UHMK1: variants seen among roughly 807,000 people sequenced by gnomAD.
The protein encoded by UHMK1 is serine/threonine-protein kinase Kist.
Under a neutral mutation model 44.0 loss-of-function variants are expected in UHMK1, and 18 were observed. That is an observed-to-expected ratio of 0.41 (90% CI 0.28 to 0.61). The LOEUF (loss-of-function observed/expected upper bound fraction) is 0.61, where lower values mean the gene tolerates loss of function less well. Ranked by LOEUF, UHMK1 falls within the 20% of genes least tolerant of loss-of-function variation. The probability of loss-of-function intolerance (pLI) is 0.31; values close to 1 mark genes in which losing one functional copy is unlikely to be tolerated. For synonymous variants in UHMK1, 231 were observed against 198.5 expected (o/e 1.16, Z -1.38); for missense variants, 463 against 522.5 (o/e 0.89, Z 1.11).
chr1:162,500,531 G>A, intron 2 of UHMK1: 1 of 421,960 alleles, frequency 2.4e-6, no homozygotes, highest in South Asian at 3.4e-5. Context: ...ATGCGTGTTT[G>A]GCTAATTGCT....
chr1:162,497,860 A>C lies in UHMK1; in HGVS notation c.-141A>C. 1 of 1,375,632 alleles carries C rather than the reference A, an allele frequency of 7.3e-7. No individual in the cohort carries two copies. The highest frequency in any genetic ancestry group is 9.3e-7 in the Non-Finnish European group (1 of 1,069,908). 85.2% of individuals were successfully genotyped at this position (1,375,632 alleles called of 1,614,324 possible). ...CGGCTTCCGGTGTCATGGCTGCTTG[A>C]AGTCCCGGGAGTCGGTGAGGCGGCT... On this transcript the variant is annotated 5_prime_UTR_variant, in exon 1 of 8. It removes the in-frame stop codon of an upstream open reading frame in the 5' UTR. Coordinates refer to ENST00000489294, the MANE Select transcript of UHMK1 (RefSeq NM_175866.5).
At chr1:162,516,698 A>C (rs1651849033) in intron 6 of UHMK1, among the ~76,000 whole-genome samples, 1 of 152,198 alleles carries the variant, frequency 6.6e-6, no homozygotes. Flanking sequence ...AAGAAAAAAT[A>C]TTTATAGCTC....
At chr1:162,515,121 T>G (rs777007714) in intron 6 of UHMK1, among the ~76,000 whole-genome samples, 2 of 151,384 alleles carry the variant, frequency 1.3e-5, no homozygotes, top group Non-Finnish European at 2.9e-5. Context: ...TTTTATGTCC[T>G]CTTAATATTT....
chr1:162,519,734 T>G (rs1035799661), intron 7 of UHMK1, among the ~76,000 whole-genome samples: 9 of 152,206 alleles, frequency 5.9e-5, no homozygotes, highest in African/African-American at 2.2e-4. Context: ...TTGACACTAT[T>G]GACATTGAGC....
chr1:162,515,636 A>C (rs1651807655), intron 6 of UHMK1, among the ~76,000 whole-genome samples: 1 of 152,196 alleles, frequency 6.6e-6, no homozygotes, highest in South Asian at 2.1e-4. Flanking sequence ...AATTTCTTGG[A>C]ATCAGTTCAG....
rs776934007 is a variant in UHMK1 at position 162,513,060 on chromosome 1, G to C, written c.1024+237G>C. ...CTCTGCCTCCTGGGTTCAAGCCTCA[G>C]CCCCCCAAGTAGCTGAGATTACAGG... On this transcript the variant is annotated intron_variant, in intron 6 of 7. Coordinates refer to ENST00000489294, the MANE Select transcript of UHMK1 (RefSeq NM_175866.5). 9.8e-4 allele frequency: 111 copies of C among 113,512 alleles called. 1 individual carries two copies. The highest frequency in any genetic ancestry group is 7.2e-3 in the African/African-American group (101 of 14,010). The allele number at this position is 113,512 out of a possible 1,614,324, so 7.0% of individuals were successfully genotyped here.
chr1:162,498,230 G>C lies in UHMK1; in HGVS notation c.230G>C (p.Arg77Thr). The C allele has an allele frequency of 6.2e-7, 1 of 1,608,136 alleles. No individual in the cohort carries two copies. The highest frequency in any genetic ancestry group is 8.5e-7 in the Non-Finnish European group (1 of 1,176,962). Reference sequence around the variant, plus strand: ...GCCGAGTATGGTTTCCGCAAAGAGAGGGCGGCGCTGGAACAGTTGCAGGGT... The same window carrying C: ...GCCGAGTATGGTTTCCGCAAAGAGACGGCGGCGCTGGAACAGTTGCAGGGT... ...SAAEYGFRKERAALEQLQGHR... is the reference protein window; with the variant it reads ...SAAEYGFRKETAALEQLQGHR... Residue 77 changes from arginine (R) to threonine (T), a missense_variant, in exon 1 of 8, where the codon AGG becomes ACG. Arg to Thr is a moderately conservative substitution (Grantham distance 71). Around this residue, in one of 3 missense-constraint regions of UHMK1, gnomAD observed 191 missense variants for 176.0 expected, o/e 1.09. Transcript: ENST00000489294.
Position 162,523,678 on chromosome 1 carries a change from CT to C in UHMK1, c.*1134del, listed in dbSNP as rs945439997. 6.6e-6 allele frequency: 1 copy of C among 152,168 alleles called. No homozygotes were observed. Among genetic ancestry groups the C allele is most frequent in the Non-Finnish European group, 1.5e-5 (1 of 68,020 alleles). The allele number at this position is 152,168 out of a possible 1,614,324, so 9.4% of individuals were successfully genotyped here. A position where few individuals can be genotyped will look rare whatever the true frequency, so the allele number is the denominator to read the frequency against. On this transcript the variant is annotated 3_prime_UTR_variant, in exon 8 of 8. Transcript: ENST00000489294. Reference sequence around the variant, plus strand: ...AGAGAGGGTGGAAAATAAAAGGATTCTTTTTTCTTCCTTTCTGTTTCTCGTA... The same window carrying C: ...AGAGAGGGTGGAAAATAAAAGGATTCTTTTTCTTCCTTTCTGTTTCTCGTA...
chr1:162,503,687 C>T, intron 3 of UHMK1, 67 bp from the exon 4 acceptor site: 1 of 1,047,876 alleles, frequency 9.5e-7, no homozygotes, highest in South Asian at 1.4e-5. Flanking sequence ...TCAAATAGTG[C>T]TATATGCCTA....
intron 4 of UHMK1, among the ~76,000 whole-genome samples, chr1:162,511,781 G>T (rs1651678259): frequency 6.6e-6 from 1 of 152,062 alleles, no homozygotes; most frequent in Non-Finnish European, 1.5e-5. Flanking sequence ...CAGAGATAAG[G>T]GTTTAATTTT....
intron 6 of UHMK1, among the ~76,000 whole-genome samples, chr1:162,513,864 G>A (rs1571014553): frequency 6.6e-6 from 1 of 152,170 alleles, no homozygotes; most frequent in African/African-American, 2.4e-5. Flanking sequence ...CTTTGCGTCA[G>A]GTATAGAATA....
rs1444046285 is a variant in UHMK1, at chr1:162,524,698, G to A, written c.*2148G>A. 1 of 152,138 alleles carries A rather than the reference G, an allele frequency of 6.6e-6. No homozygotes were observed. The highest frequency in any genetic ancestry group is 1.5e-5 in the Non-Finnish European group (1 of 68,042). 9.4% of individuals were successfully genotyped at this position (152,138 alleles called of 1,614,324 possible). A position where few individuals can be genotyped will look rare whatever the true frequency, so the allele number is the denominator to read the frequency against. On this transcript the variant is annotated 3_prime_UTR_variant, in exon 8 of 8. Transcript: ENST00000489294. ...CAGGTAGGCTTCTAAGCCTAGTCCT[G>A]CAGTATGCTGCTAACATCTTGATGC...
Position 162,497,828 on chromosome 1 carries a change from T to C in UHMK1, c.-173T>C. On this transcript the variant is annotated 5_prime_UTR_variant, in exon 1 of 8. Coordinates refer to ENST00000489294, the MANE Select transcript of UHMK1 (RefSeq NM_175866.5). The stretch of plus-strand genomic sequence containing the variant: ...CCATTTCCGGCTTCTGGGACTCGGG[T>C]GCACCACGGCTTCCGGTGTCATGGC... The C allele has an allele frequency of 1.7e-5, 23 of 1,326,280 alleles. No homozygotes were observed. Among genetic ancestry groups the C allele is most frequent in the Non-Finnish European group, 2.2e-5 (23 of 1,041,550 alleles). The allele number at this position is 1,326,280 out of a possible 1,614,324, so 82.2% of individuals were successfully genotyped here.
chr1:162,499,346 T>G (rs1310450667), intron 1 of UHMK1, among the ~76,000 whole-genome samples: 2 of 152,056 alleles, frequency 1.3e-5, no homozygotes, highest in East Asian at 1.9e-4. Flanking sequence ...GCTAATTTTT[T>G]GTAGAGAAGA....
At chr1:162,502,599 C>A (rs1261211107) in intron 3 of UHMK1, among the ~76,000 whole-genome samples, 1 of 152,110 alleles carries the variant, frequency 6.6e-6, no homozygotes, top group South Asian at 2.1e-4. Flanking sequence ...AGAACTAGAT[C>A]ACATTCAAAT....
chr1:162,506,106 G>C (rs1307592298), intron 4 of UHMK1, among the ~76,000 whole-genome samples: 1 of 151,978 alleles, frequency 6.6e-6, no homozygotes, highest in Admixed American at 6.6e-5. Context: ...ATTATAAATT[G>C]CATTTTACAT....
upstream of UHMK1, chr1:162,497,728 T>C (rs72705765): frequency 0.051 from 58,538 of 1,141,972 alleles, 1,804 homozygotes; most frequent in Non-Finnish European, 0.058. Context: ...TTTCCAAACC[T>C]AGCGCGTCTA....
chr1:162,515,701 C>A (rs902763522), intron 6 of UHMK1, among the ~76,000 whole-genome samples: 3 of 152,134 alleles, frequency 2.0e-5, no homozygotes, highest in Admixed American at 1.3e-4. Flanking sequence ...CTGTCTTCAT[C>A]ACCTCATTCT....
intron 7 of UHMK1, among the ~76,000 whole-genome samples, chr1:162,521,568 C>T (rs903582993): frequency 2.0e-5 from 3 of 152,200 alleles, no homozygotes; most frequent in Non-Finnish European, 2.9e-5. Context: ...AGTGATCCTC[C>T]CAACTCTGCC....
Sources: gnomAD v4.1 joint callset for allele counts (sites outside exome capture counted in the v4.1 genomes callset) on GRCh38, gnomAD v4.1.1 for gene constraint, gnomAD v4.1.1 regional missense constraint, MANE v1.5 for transcripts, NCBI Gene and HGNC (gene_info 2026-07-23, HGNC 2026-07-21) for gene names.